The following TNPO3 variants were observed in gnomAD, a reference collection of about 807,000 sequenced individuals.
TNPO3 encodes transportin-3.
A neutral mutation model predicts 122.8 loss-of-function variants in TNPO3; 65 were observed. The observed-to-expected ratio is 0.53, with a 90% CI of 0.43 to 0.65. The LOEUF (loss-of-function observed/expected upper bound fraction) is 0.65. Ranked by LOEUF, TNPO3 falls within the 30% of genes least tolerant of loss-of-function variation. TNPO3 has a pLI of 0.00. For synonymous variants in TNPO3, 372 were observed against 411.2 expected (o/e 0.90, Z 1.15); for missense variants, 850 against 1,136.7 (o/e 0.75, Z 3.63).
chr7:129,023,093 G>T (rs1423482670), intron 1 of TNPO3, among the ~76,000 whole-genome samples: 1 of 152,142 alleles, frequency 6.6e-6, no homozygotes, highest in Non-Finnish European at 1.5e-5. Context: ...AGTATTGTTA[G>T]TCTGAGGCTA....
At chr7:129,019,282 A>G (rs1056022550) in intron 1 of TNPO3, among the ~76,000 whole-genome samples, 1 of 152,224 alleles carries the variant, frequency 6.6e-6, no homozygotes, top group Non-Finnish European at 1.5e-5. Flanking sequence ...CCTCTGGAAG[A>G]AGACTAACAT....
Position 128,972,368 on chromosome 7 carries a change from G to A in TNPO3, c.2430+58C>T, listed in dbSNP as rs576873514. ...GGATGCTGGTTTTCTCCTAAGGAATGACAAAGAGATAGGAGATAAAAGCTG... is the reference window on the plus strand; with the variant it reads ...GGATGCTGGTTTTCTCCTAAGGAATAACAAAGAGATAGGAGATAAAAGCTG... On this transcript the variant is annotated intron_variant, in intron 19 of 22. Coordinates refer to ENST00000265388, the MANE Select transcript of TNPO3 (RefSeq NM_012470.4). 2.7e-5 allele frequency: 41 copies of A among 1,541,924 alleles called. No individual in the cohort carries two copies. The South Asian group carries it at 4.4e-4, about 16-fold the overall frequency.
Position 128,984,225 on chromosome 7 carries a change from A to G in TNPO3, c.1725T>C (p.Asp575=). Residue 575 remains aspartate, a synonymous_variant, in exon 13 of 23, where the codon GAT becomes GAC. Coordinates refer to ENST00000265388, the MANE Select transcript of TNPO3 (RefSeq NM_012470.4). ...TALVLARLPL[D]KITECLSELC... ...GTTCACTAAGACATTCGGTAATCTT[A>G]TCCAAAGGTAATCGGGCTAGGACAA... is the stretch of plus-strand genomic sequence containing the variant. The G allele has an allele frequency of 6.2e-7, 1 of 1,613,370 alleles. No homozygotes were observed. The highest frequency in any genetic ancestry group is 8.5e-7 in the Non-Finnish European group (1 of 1,179,702).
intron 1 of TNPO3, among the ~76,000 whole-genome samples, chr7:129,026,874 CCTCA>C (rs1427850935): frequency 3.3e-5 from 5 of 152,282 alleles, no homozygotes; most frequent in Non-Finnish European, 7.4e-5. Context: ...CTCACTGTGG[CCTCA>C]AATTCTTGGG....
Position 128,974,948 on chromosome 7 carries a change from G to A in TNPO3, c.2193C>T (p.Pro731=), listed in dbSNP as rs1009362645. 8.1e-6 allele frequency: 13 copies of A among 1,613,970 alleles called. No individual in the cohort carries two copies. The African/African-American group carries it at 1.3e-4, about 17-fold the overall frequency. The change falls in exon 18 of 23, where the codon CCC becomes CCT. Residue 731 remains proline (P), a synonymous_variant. Coordinates refer to ENST00000265388, the MANE Select transcript of TNPO3 (RefSeq NM_012470.4). ...TCTGCTGTTCTAGGAGCTGAAAGGT[G>A]GGGATGCACAGTGCCTAAAACAAAA... ...LLDMLQALCI[P]TFQLLEQQNG...
chr7:129,030,758 C>T (rs915285548), intron 1 of TNPO3, among the ~76,000 whole-genome samples: 11 of 151,880 alleles, frequency 7.2e-5, no homozygotes, highest in African/African-American at 2.7e-4. Flanking sequence ...GGATATAGGT[C>T]ACACATTATA....
intron 8 of TNPO3, 70 bp from the exon 9 acceptor site, chr7:128,993,984 G>A: frequency 5.1e-6 from 7 of 1,378,664 alleles, no homozygotes; most frequent in Admixed American, 4.3e-5. Context: ...ATAAAATCAA[G>A]AAGAAGAAAA....
At chr7:129,042,325 T>C (rs950086186) in intron 1 of TNPO3, among the ~76,000 whole-genome samples, 4 of 152,170 alleles carry the variant, frequency 2.6e-5, no homozygotes, top group African/African-American at 9.7e-5. Context: ...TTATAGTATA[T>C]TGGGGAAAGT....
At chr7:129,053,090 C>T (rs868191911) in intron 1 of TNPO3, among the ~76,000 whole-genome samples, 1 of 151,966 alleles carries the variant, frequency 6.6e-6, no homozygotes, top group Non-Finnish European at 1.5e-5. Context: ...TTTGGGAGGC[C>T]GAGGCGGGCG....
At chr7:129,054,084 T>C (rs1413596911) in intron 1 of TNPO3, among the ~76,000 whole-genome samples, 2 of 152,152 alleles carry the variant, frequency 1.3e-5, no homozygotes, top group Non-Finnish European at 2.9e-5. Context: ...AGAATTACTG[T>C]TTTTTCTTCA....
intron 1 of TNPO3, among the ~76,000 whole-genome samples, chr7:129,027,783 G>C (rs1805431289): frequency 6.6e-6 from 1 of 152,048 alleles, no homozygotes; most frequent in African/African-American, 2.4e-5. Flanking sequence ...AGAAGCTGAA[G>C]GGCTCTGGAC....
upstream of TNPO3, chr7:129,056,107 A>G: frequency 9.0e-7 from 1 of 1,106,462 alleles, no homozygotes; most frequent in South Asian, 1.3e-5. Flanking sequence ...GGCACTCAGA[A>G]CGCGGCCACT....
chr7:129,052,919 A>G (rs1808947113), intron 1 of TNPO3, among the ~76,000 whole-genome samples: 1 of 152,226 alleles, frequency 6.6e-6, no homozygotes, highest in South Asian at 2.1e-4. Context: ...AGATCACAGA[A>G]ACACTAAATG....
chr7:128,975,049 CA>C, intron 17 of TNPO3, 87 bp from the exon 18 acceptor site: 1 of 977,724 alleles, frequency 1.0e-6, no homozygotes, highest in Non-Finnish European at 1.6e-6. Context: ...ACAATAAGTA[CA>C]AAAGGAACAA....
At chr7:129,042,846 T>C (rs191701982) in intron 1 of TNPO3, among the ~76,000 whole-genome samples, 1 of 116,296 alleles carries the variant, frequency 8.6e-6, no homozygotes, top group East Asian at 2.4e-4. Flanking sequence ...AAAGCAGTGA[T>C]AAAACAACTC....
At chr7:129,055,824 A>C (rs534428430), upstream of TNPO3, 2 of 523,716 alleles carry the variant, frequency 3.8e-6, no homozygotes, top group South Asian at 5.0e-5. Flanking sequence ...TAGGGACAAA[A>C]GGTAACAGTA....
chr7:129,000,931 A>C, intron 6 of TNPO3, 128 bp downstream of exon 6: 1 of 1,124,594 alleles, frequency 8.9e-7, no homozygotes, highest in Non-Finnish European at 1.3e-6. Flanking sequence ...GAGCATCTTT[A>C]GGAAGCACTA....
At chr7:129,019,648 AC>A (rs1804237544) in intron 1 of TNPO3, among the ~76,000 whole-genome samples, 1 of 152,156 alleles carries the variant, frequency 6.6e-6, no homozygotes, top group East Asian at 1.9e-4. Context: ...CAGAAGTTTG[AC>A]ACTGGCCTGG....
chr7:128,959,624 T>C (rs1585318718), intron 21 of TNPO3, among the ~76,000 whole-genome samples: 2 of 152,356 alleles, frequency 1.3e-5, no homozygotes, highest in Non-Finnish European at 2.9e-5. Context: ...CACTGTCAAC[T>C]TGGCTTCTGC....
Sources: gnomAD v4.1 joint callset for allele counts (sites outside exome capture counted in the v4.1 genomes callset) on GRCh38, gnomAD v4.1.1 for gene constraint, MANE v1.5 for transcripts, NCBI Gene and HGNC (gene_info 2026-07-23, HGNC 2026-07-21) for gene names.